ANO4: variants seen among roughly 807,000 people sequenced by gnomAD.
The protein encoded by ANO4 is anoctamin 4.
A neutral mutation model predicts 141.9 loss-of-function variants in ANO4; 69 were observed. That is an observed-to-expected ratio of 0.49 (90% CI 0.40 to 0.59). The LOEUF (loss-of-function observed/expected upper bound fraction) is 0.59, where lower values mean the gene tolerates loss of function less well. Among genes scored for constraint, ANO4 ranks in the 20% least tolerant of loss-of-function variants. The probability of loss-of-function intolerance (pLI) is 0.00; values close to 1 mark genes in which losing one functional copy is unlikely to be tolerated. For synonymous variants in ANO4, 350 were observed against 394.3 expected (o/e 0.89, Z 1.33); for missense variants, 894 against 1,162.2 (o/e 0.77, Z 3.36).
At chr12:100,928,185 G>C (rs11110586) in intron 3 of ANO4, among the ~76,000 whole-genome samples, 5 of 150,090 alleles carry the variant, frequency 3.3e-5, no homozygotes, top group Admixed American at 1.3e-4. Flanking sequence ...GAGCGGGGCC[G>C]GGGGGGCTGG....
chr12:100,943,474 C>T (rs1487027134), intron 5 of ANO4, among the ~76,000 whole-genome samples: 3 of 152,162 alleles, frequency 2.0e-5, no homozygotes, highest in African/African-American at 7.2e-5. Flanking sequence ...TATGCATATA[C>T]TTGTTATCTG....
intron 1 of ANO4, among the ~76,000 whole-genome samples, chr12:100,864,970 G>A (rs1336331020): frequency 6.6e-6 from 1 of 152,090 alleles, no homozygotes; most frequent in Non-Finnish European, 1.5e-5. Flanking sequence ...AGTTTGCTGA[G>A]AATGGTTTTC....
intron 22 of ANO4, among the ~76,000 whole-genome samples, chr12:101,104,625 G>GTA (rs2050349855): frequency 1.9e-5 from 1 of 52,796 alleles, no homozygotes; most frequent in Admixed American, 2.0e-4. Flanking sequence ...GTATGTATGT[G>GTA]TGTATATATA....
At chr12:100,962,163 T>G (rs1422284840) in intron 5 of ANO4, among the ~76,000 whole-genome samples, 1 of 152,140 alleles carries the variant, frequency 6.6e-6, no homozygotes, top group African/African-American at 2.4e-5. Context: ...ACCTCTGTGG[T>G]AAGAGGATGA....
rs575884013 is a variant in ANO4 at position 100,809,351 on chromosome 12, C to T, written c.-141+14324C>T. ...GCAGTCAGCAGAGATCGCCCCACTG[C>T]ACTCCAACCTGGGCGACAGAGCAAG... is the stretch of plus-strand genomic sequence containing the variant. On this transcript the variant is annotated intron_variant, in intron 1 of 27. Transcript: ENST00000392977. Among the ~76,000 whole-genome samples, 25 of 150,710 alleles carry T rather than the reference C, an allele frequency of 1.7e-4. 1 individual carries two copies. The South Asian group carries it at 5.2e-3, about 32-fold the overall frequency.
chr12:101,011,522 G>T (rs1473761174), intron 8 of ANO4, among the ~76,000 whole-genome samples: 1 of 151,944 alleles, frequency 6.6e-6, no homozygotes, highest in African/African-American at 2.4e-5. Context: ...AACTCCTCAG[G>T]TGTACACTCT....
chr12:100,833,329 A>T (rs1016777074), intron 1 of ANO4, among the ~76,000 whole-genome samples: 5 of 152,168 alleles, frequency 3.3e-5, no homozygotes, highest in African/African-American at 1.2e-4. Context: ...AAAGAGTAAT[A>T]TACAAATGGA....
Position 100,994,347 on chromosome 12 carries a change from G to A in ANO4, c.734+6677G>A, listed in dbSNP as rs543833120. On this transcript the variant is annotated intron_variant, in intron 8 of 27. Coordinates refer to ENST00000392977, the MANE Select transcript of ANO4 (RefSeq NM_001286615.2). ...TGCCTGTGAATGTTGCCCTGCTTAA[G>A]TATCATTGCCCTTCATTCTTAAAAT... Among the ~76,000 whole-genome samples the A allele has an allele frequency of 2.6e-5, 4 of 152,270 alleles. No homozygotes were observed. The East Asian group carries it at 5.8e-4, about 22-fold the overall frequency.
chr12:100,828,089 G>A (rs576249448), intron 1 of ANO4, among the ~76,000 whole-genome samples: 5 of 152,098 alleles, frequency 3.3e-5, no homozygotes, highest in African/African-American at 1.2e-4. Flanking sequence ...GCCACTAGGG[G>A]ATGCTAGACA....
intron 1 of ANO4, among the ~76,000 whole-genome samples, chr12:100,824,566 G>A (rs1006201841): frequency 6.6e-6 from 1 of 152,006 alleles, no homozygotes; most frequent in East Asian, 1.9e-4. Context: ...ACATTAGCTG[G>A]TTTAGCGAGA....
chr12:100,776,848 G>A (rs2033523652), intron 3 of ANO4, among the ~76,000 whole-genome samples: 1 of 152,124 alleles, frequency 6.6e-6, no homozygotes, highest in African/African-American at 2.4e-5. Context: ...TGGATGACTG[G>A]CTGGGGATGA....
intron 17 of ANO4, among the ~76,000 whole-genome samples, chr12:101,089,078 G>A (rs1257942365): frequency 6.6e-6 from 1 of 151,934 alleles, no homozygotes; most frequent in Non-Finnish European, 1.5e-5. Flanking sequence ...TTTGAAAAAA[G>A]ATTTTCCAAA....
intron 9 of ANO4, among the ~76,000 whole-genome samples, chr12:101,024,182 A>T (rs1456881308): frequency 6.6e-6 from 1 of 152,250 alleles, no homozygotes; most frequent in African/African-American, 2.4e-5. Flanking sequence ...AAATCTTGAA[A>T]TTGATTTGTA....
chr12:100,931,340 A>T (rs1335062020), intron 3 of ANO4, among the ~76,000 whole-genome samples: 2 of 152,338 alleles, frequency 1.3e-5, no homozygotes, highest in East Asian at 3.9e-4. Flanking sequence ...GTCTAGCTTT[A>T]TTCAGATAAA....
At chr12:100,996,432 C>A (rs1442763250) in intron 8 of ANO4, among the ~76,000 whole-genome samples, 1 of 152,166 alleles carries the variant, frequency 6.6e-6, no homozygotes, top group African/African-American at 2.4e-5. Context: ...TGCCTGTAAT[C>A]CCAGCACTTT....
intron 8 of ANO4, among the ~76,000 whole-genome samples, chr12:100,989,924 C>A (rs754535779): frequency 1.6e-5 from 2 of 125,080 alleles, no homozygotes; most frequent in African/African-American, 3.2e-5. Context: ...GGATAGTGTA[C>A]CTGGATAGGT....
At chr12:100,772,130 A>G (rs2033326152) in intron 3 of ANO4, among the ~76,000 whole-genome samples, 1 of 152,202 alleles carries the variant, frequency 6.6e-6, no homozygotes, top group Non-Finnish European at 1.5e-5. Context: ...TCATAGATAT[A>G]GTAGGTGGTG....
chr12:100,813,381 G>A (rs1465776593), intron 1 of ANO4, among the ~76,000 whole-genome samples: 1 of 152,136 alleles, frequency 6.6e-6, no homozygotes, highest in Non-Finnish European at 1.5e-5. Flanking sequence ...AAGGTTTGAA[G>A]GGAATGAATT....
chr12:101,045,664 C>G (rs981042166), intron 13 of ANO4, among the ~76,000 whole-genome samples: 1 of 152,104 alleles, frequency 6.6e-6, no homozygotes, highest in African/African-American at 2.4e-5. Context: ...CTGGCTTAGT[C>G]AGAAAGTGAT....
Sources: gnomAD v4.1 joint callset for allele counts (sites outside exome capture counted in the v4.1 genomes callset) on GRCh38, gnomAD v4.1.1 for gene constraint, MANE v1.5 for transcripts, NCBI Gene and HGNC (gene_info 2026-07-23, HGNC 2026-07-21) for gene names.